Variants in COMMD10 observed in about 807,000 individuals in gnomAD.
COMMD10 encodes COMM domain-containing protein 10.
Under a neutral mutation model 28.9 loss-of-function variants are expected in COMMD10, and 33 were observed. The ratio of observed to expected loss-of-function variants is 1.14; its 90% CI spans 0.87 to 1.53. The LOEUF (loss-of-function observed/expected upper bound fraction) is 1.53, where lower values mean the gene tolerates loss of function less well. Among genes scored for constraint, COMMD10 ranks in the 40% most tolerant of loss-of-function variants. The pLI is 0.00. For synonymous variants in COMMD10, 110 were observed against 81.7 expected (o/e 1.35, Z -1.87); for missense variants, 310 against 233.4 (o/e 1.33, Z -2.14).
At chr5:116,127,847 G>A (rs1291029435) in intron 4 of COMMD10, among the ~76,000 whole-genome samples, 5 of 152,006 alleles carry the variant, frequency 3.3e-5, no homozygotes, top group Admixed American at 1.3e-4. Flanking sequence ...AACGGGTGCA[G>A]CACACCAACA....
At chr5:116,228,780 A>G (rs1396662917) in intron 5 of COMMD10, among the ~76,000 whole-genome samples, 1 of 151,944 alleles carries the variant, frequency 6.6e-6, no homozygotes, top group African/African-American at 2.4e-5. Flanking sequence ...TGTTAGTTTT[A>G]TGTCATAACT....
At chr5:116,221,631 G>C (rs1475228976) in intron 5 of COMMD10, among the ~76,000 whole-genome samples, 1 of 152,144 alleles carries the variant, frequency 6.6e-6, no homozygotes, top group Non-Finnish European at 1.5e-5. Flanking sequence ...GTAATTATTT[G>C]GTTTGACTTT....
intron 4 of COMMD10, among the ~76,000 whole-genome samples, chr5:116,121,355 C>A (rs574446829): frequency 3.3e-5 from 5 of 152,300 alleles, no homozygotes; most frequent in African/African-American, 1.2e-4. Context: ...TGTATATGTG[C>A]CACATTTTCA....
chr5:116,229,439 A>G (rs1489045478), intron 5 of COMMD10, among the ~76,000 whole-genome samples: 3 of 152,062 alleles, frequency 2.0e-5, no homozygotes, highest in African/African-American at 4.8e-5. Flanking sequence ...AGGACAAAGC[A>G]TAAAGACTTG....
chr5:116,264,704 AT>A (rs1283168629), intron 5 of COMMD10, among the ~76,000 whole-genome samples: 1 of 151,452 alleles, frequency 6.6e-6, no homozygotes, highest in Non-Finnish European at 1.5e-5. Flanking sequence ...TTTTCTTAAC[AT>A]TTTTTTTCTT....
chr5:116,289,609 C>CA (rs1415064717), intron 5 of COMMD10, among the ~76,000 whole-genome samples: 1 of 151,838 alleles, frequency 6.6e-6, no homozygotes, highest in African/African-American at 2.4e-5. Flanking sequence ...CCCAGAAAGC[C>CA]AGAATGTTGG....
At chr5:116,139,937 G>C (rs550333624) in intron 5 of COMMD10, among the ~76,000 whole-genome samples, 1 of 151,492 alleles carries the variant, frequency 6.6e-6, no homozygotes, top group Admixed American at 6.6e-5. Context: ...TTCAGTTTAC[G>C]ATACAATATC....
intron 5 of COMMD10, among the ~76,000 whole-genome samples, chr5:116,247,485 A>T (rs1275278400): frequency 1.3e-5 from 2 of 152,106 alleles, no homozygotes; most frequent in Non-Finnish European, 2.9e-5. Context: ...CCAAAGGAAT[A>T]TATTAATAAA....
At chr5:116,218,207 G>A in intron 5 of COMMD10, 1 of 769,734 alleles carries the variant, frequency 1.3e-6, no homozygotes, top group South Asian at 1.3e-5. Flanking sequence ...AGCAGGTTTA[G>A]CGGACAACCT....
At chr5:116,174,504 A>G (rs1016232474) in intron 5 of COMMD10, among the ~76,000 whole-genome samples, 19 of 152,202 alleles carry the variant, frequency 1.2e-4, no homozygotes, top group African/African-American at 3.4e-4. Flanking sequence ...GCAAGGGAGC[A>G]ATGATATAAC....
chr5:116,086,783 G>T (rs1316619695), intron 1 of COMMD10, among the ~76,000 whole-genome samples: 1 of 152,110 alleles, frequency 6.6e-6, no homozygotes, highest in Admixed American at 6.5e-5. Flanking sequence ...TTCAAGACCA[G>T]CCTGGGCAAC....
intron 5 of COMMD10, among the ~76,000 whole-genome samples, chr5:116,167,569 G>GA (rs1484684542): frequency 1.3e-5 from 2 of 152,114 alleles, no homozygotes; most frequent in African/African-American, 4.8e-5. Context: ...GGACATGACG[G>GA]AAAAAATGTT....
intron 5 of COMMD10, among the ~76,000 whole-genome samples, chr5:116,186,173 T>C (rs760393224): frequency 2.9e-4 from 44 of 152,278 alleles, no homozygotes; most frequent in Non-Finnish European, 4.9e-4. Flanking sequence ...AATCAACTTA[T>C]TGGTTCAGCT....
intron 5 of COMMD10, among the ~76,000 whole-genome samples, chr5:116,280,460 C>T (rs1025739398): frequency 1.5e-4 from 23 of 151,876 alleles, no homozygotes; most frequent in Admixed American, 1.1e-3. Flanking sequence ...CGTTGCCCCA[C>T]GTACAGTTCT....
intron 4 of COMMD10, among the ~76,000 whole-genome samples, chr5:116,108,656 T>G (rs951114814): frequency 6.6e-5 from 10 of 152,172 alleles, no homozygotes; most frequent in Admixed American, 4.6e-4. Context: ...GCCAGACCAC[T>G]TTGCTCCCTG....
intron 5 of COMMD10, among the ~76,000 whole-genome samples, chr5:116,166,233 G>A (rs1049109659): frequency 7.9e-6 from 1 of 126,028 alleles, no homozygotes; most frequent in African/African-American, 4.3e-5. Flanking sequence ...AAGATGCAAA[G>A]ATTGTTTTTT....
intron 4 of COMMD10, among the ~76,000 whole-genome samples, chr5:116,121,251 G>A (rs1751423942): frequency 6.6e-6 from 1 of 152,070 alleles, no homozygotes; most frequent in Admixed American, 6.5e-5. Flanking sequence ...CTGTCCTTGT[G>A]ATAGTTTGCT....
intron 2 of COMMD10, among the ~76,000 whole-genome samples, chr5:116,088,692 C>T (rs938221983): frequency 6.6e-6 from 1 of 152,210 alleles, no homozygotes; most frequent in African/African-American, 2.4e-5. Context: ...TTTCCCTTGC[C>T]TATAAATGTC....
intron 4 of COMMD10, among the ~76,000 whole-genome samples, chr5:116,101,523 TTC>T (rs1750658133): frequency 6.6e-6 from 1 of 152,070 alleles, no homozygotes. Flanking sequence ...GCCTCCCAGG[TTC>T]AAGAGTTTCT....
Sources: allele counts gnomAD v4.1 joint callset (sites outside exome capture counted in the v4.1 genomes callset), GRCh38; gene constraint gnomAD v4.1.1; transcripts MANE v1.5; gene names NCBI Gene and HGNC (gene_info 2026-07-23, HGNC 2026-07-21).